Variants in SUCLG2 observed in about 807,000 individuals in gnomAD.
SUCLG2 encodes succinate-CoA ligase GDP-forming subunit beta.
In SUCLG2, 42 loss-of-function variants were observed where a neutral mutation model predicts 47.9. The ratio of observed to expected loss-of-function variants is 0.88; its 90% CI spans 0.69 to 1.14. The LOEUF (loss-of-function observed/expected upper bound fraction) is 1.14. SUCLG2 is among the 50% of genes most tolerant of loss of function. SUCLG2 has a pLI of 0.00. For missense variants in SUCLG2, 571 were observed against 525.9 expected, an observed-to-expected ratio of 1.09 and a Z score of -0.84; for synonymous variants, 195 against 197.3, an observed-to-expected ratio of 0.99 and a Z score of 0.10.
chr3:67,564,040 A>G (rs776942396), intron 2 of SUCLG2, among the ~76,000 whole-genome samples: 13 of 152,094 alleles, frequency 8.5e-5, no homozygotes, highest in African/African-American at 2.7e-4. Context: ...CAATTAAGTG[A>G]TATCTGTGAA....
chr3:67,369,222 C>T (rs115988557), intron 10 of SUCLG2, among the ~76,000 whole-genome samples: 3,746 of 152,188 alleles, frequency 0.025, 71 homozygotes, highest in East Asian at 0.077. Flanking sequence ...TTAAGTATTA[C>T]ACGAATAGGT....
In SUCLG2 at chr3:67,375,096, T is replaced by C; in HGVS notation, c.*648A>G. The C allele has an allele frequency of 1.0e-6, 1 of 985,792 alleles. No homozygotes were observed. The highest frequency in any genetic ancestry group is 1.2e-6 in the Non-Finnish European group (1 of 829,872). The allele number at this position is 985,792 out of a possible 1,614,324, so 61.1% of individuals were successfully genotyped here. On this transcript the variant is annotated 3_prime_UTR_variant, in exon 11 of 11. Coordinates refer to ENST00000307227, the MANE Select transcript of SUCLG2 (RefSeq NM_003848.4). Reference sequence around the variant, plus strand: ...TCTTTTTAGTGTGAGGTAAACAGTATATTCAATATTAAGGCAAATGGTAAA... The same window carrying C: ...TCTTTTTAGTGTGAGGTAAACAGTACATTCAATATTAAGGCAAATGGTAAA...
intron 1 of SUCLG2, among the ~76,000 whole-genome samples, chr3:67,641,223 T>C (rs1701095313): frequency 1.3e-5 from 2 of 152,208 alleles, no homozygotes; most frequent in Admixed American, 6.5e-5. Flanking sequence ...ATTTCACTCA[T>C]AGAAATGGTC....
In SUCLG2 at chr3:67,375,000, G is replaced by A. The variant is rs1405713335; in HGVS notation, c.*744C>T. On this transcript the variant is annotated 3_prime_UTR_variant, in exon 11 of 11. Coordinates refer to ENST00000307227, the MANE Select transcript of SUCLG2 (RefSeq NM_003848.4). ...ATCTTAATAACAGAGATTTCCATAA[G>A]AATCAGGATTCATTTTTGACACAAA... The A allele has an allele frequency of 2.9e-5, 29 of 985,566 alleles. No homozygotes were observed. The highest frequency in any genetic ancestry group is 6.2e-5 in the Admixed American group (1 of 16,236). 61.1% of individuals were successfully genotyped at this position (985,566 alleles called of 1,614,324 possible).
At chr3:67,541,640 A>C (rs969236949) in intron 2 of SUCLG2, among the ~76,000 whole-genome samples, 1 of 152,162 alleles carries the variant, frequency 6.6e-6, no homozygotes, top group Non-Finnish European at 1.5e-5. Context: ...GGCAGGCCAA[A>C]ATTCAAATTC....
intron 5 of SUCLG2, 61 bp from the exon 6 acceptor site, chr3:67,518,397 C>T (rs1345057440): frequency 6.7e-7 from 1 of 1,483,108 alleles, no homozygotes; most frequent in Admixed American, 1.9e-5. Flanking sequence ...TTTACAACCT[C>T]AAAAGAAAAT....
intron 9 of SUCLG2, among the ~76,000 whole-genome samples, chr3:67,467,996 A>G (rs545192824): frequency 6.6e-6 from 1 of 152,328 alleles, no homozygotes; most frequent in South Asian, 2.1e-4. Context: ...GAAAAGAGCC[A>G]TAATACAGAT....
intron 10 of SUCLG2, among the ~76,000 whole-genome samples, chr3:67,394,189 T>C (rs1053719959): frequency 6.6e-6 from 1 of 152,154 alleles, no homozygotes; most frequent in Non-Finnish European, 1.5e-5. Flanking sequence ...TTTGACGAGT[T>C]GAGAGAAGAA....
intron 1 of SUCLG2, among the ~76,000 whole-genome samples, chr3:67,626,425 C>T (rs80310002): frequency 0.081 from 12,295 of 151,878 alleles, 592 homozygotes; most frequent in Middle Eastern, 0.13. Flanking sequence ...TACACGGGCC[C>T]AAGAGATGAA....
chr3:67,547,007 T>C (rs937934771), intron 2 of SUCLG2, among the ~76,000 whole-genome samples: 2 of 152,192 alleles, frequency 1.3e-5, no homozygotes, highest in Non-Finnish European at 2.9e-5. Context: ...ATGGCTAATG[T>C]TTTTTCTATA....
intron 1 of SUCLG2, among the ~76,000 whole-genome samples, chr3:67,621,042 T>C (rs1004354040): frequency 1.3e-5 from 2 of 152,218 alleles, no homozygotes; most frequent in Admixed American, 1.3e-4. Flanking sequence ...ACTTTTTCTA[T>C]AAAGAGCCAG....
intron 9 of SUCLG2, among the ~76,000 whole-genome samples, chr3:67,418,093 G>C (rs1175711336): frequency 1.3e-5 from 2 of 152,092 alleles, no homozygotes; most frequent in African/African-American, 4.8e-5. Context: ...CAAAAGCACT[G>C]GCTCTATCAC....
chr3:67,600,202 A>G (rs1229241438), intron 2 of SUCLG2, among the ~76,000 whole-genome samples: 1 of 152,228 alleles, frequency 6.6e-6, no homozygotes, highest in Non-Finnish European at 1.5e-5. Flanking sequence ...GACAAGTTGT[A>G]TAAAAAAACA....
chr3:67,397,923 G>C (rs1415290328), intron 10 of SUCLG2, among the ~76,000 whole-genome samples: 4 of 150,950 alleles, frequency 2.6e-5, no homozygotes, highest in Non-Finnish European at 3.0e-5. Context: ...ATGGGGAAAG[G>C]ATTCCCTATT....
chr3:67,426,801 G>A (rs12494679), intron 9 of SUCLG2, among the ~76,000 whole-genome samples: 12 of 152,008 alleles, frequency 7.9e-5, no homozygotes, highest in Admixed American at 2.6e-4. Flanking sequence ...GGTGGTTCGC[G>A]CCTGTAGTCC....
At chr3:67,537,330 T>C (rs576958974) in intron 2 of SUCLG2, among the ~76,000 whole-genome samples, 12 of 152,326 alleles carry the variant, frequency 7.9e-5, no homozygotes, top group East Asian at 3.9e-4. Context: ...TGTGGTTTAC[T>C]GTTCCTGTGT....
At chr3:67,544,037 G>A (rs559525613) in intron 2 of SUCLG2, among the ~76,000 whole-genome samples, 1 of 152,194 alleles carries the variant, frequency 6.6e-6, no homozygotes, top group East Asian at 1.9e-4. Flanking sequence ...AAAATGTTTT[G>A]CCCTTTTAAA....
chr3:67,426,934 A>G (rs997758385), intron 9 of SUCLG2, among the ~76,000 whole-genome samples: 1 of 152,212 alleles, frequency 6.6e-6, no homozygotes, highest in South Asian at 2.1e-4. Context: ...TCAAAAAAAA[A>G]AGTGGCAAAA....
intron 1 of SUCLG2, among the ~76,000 whole-genome samples, chr3:67,617,391 G>C (rs1255227982): frequency 6.6e-6 from 1 of 152,176 alleles, no homozygotes; most frequent in African/African-American, 2.4e-5. Flanking sequence ...GGGATTAGAA[G>C]CCTAAGCCTA....
Sources: allele counts gnomAD v4.1 joint callset (sites outside exome capture counted in the v4.1 genomes callset), GRCh38; gene constraint gnomAD v4.1.1; transcripts MANE v1.5; gene names NCBI Gene and HGNC (gene_info 2026-07-23, HGNC 2026-07-21).